Variants in C12orf42 observed in about 807,000 individuals in gnomAD.
C12orf42 encodes the protein uncharacterized protein C12orf42.
Under a neutral mutation model 21.6 loss-of-function variants are expected in C12orf42, and 25 were observed. The ratio of observed to expected loss-of-function variants is 1.16; its 90% confidence interval spans 0.84 to 1.62. C12orf42 has a LOEUF of 1.62. Among genes scored for constraint, C12orf42 ranks in the 40% most tolerant of loss-of-function variants. The pLI, the probability that C12orf42 is intolerant of heterozygous loss-of-function variation, is 0.00. For synonymous variants in C12orf42, 174 were observed against 175.0 expected, an observed-to-expected ratio of 0.99 and a Z score of 0.05; for missense variants, 483 against 459.3, an observed-to-expected ratio of 1.05 and a Z score of -0.47.
chr12:103,399,711 T>A (rs2047834651), intron 3 of C12orf42, among the ~76,000 whole-genome samples: 1 of 152,154 alleles, frequency 6.6e-6, no homozygotes, highest in Non-Finnish European at 1.5e-5. Context: ...CTATTGATAG[T>A]CTCTTAAAAA....
At chr12:103,292,309 T>C (rs1167818390) in intron 4 of C12orf42, among the ~76,000 whole-genome samples, 1 of 152,150 alleles carries the variant, frequency 6.6e-6, no homozygotes, top group African/African-American at 2.4e-5. Flanking sequence ...AGGGTTTCTA[T>C]TCAAATTCAC....
chr12:103,087,948 G>T, the C12orf42 span, among the ~76,000 whole-genome samples: 2 of 152,224 alleles, frequency 1.3e-5, no homozygotes, highest in Non-Finnish European at 2.9e-5. Context: ...AAATACTGCA[G>T]TACTAAATAT....
the C12orf42 span, among the ~76,000 whole-genome samples, chr12:103,154,883 T>C: frequency 2.0e-4 from 31 of 152,324 alleles, no homozygotes; most frequent in African/African-American, 7.5e-4. Flanking sequence ...CATTTGCAAC[T>C]GTCTACTGGC....
chr12:103,204,397 C>T, the C12orf42 span, among the ~76,000 whole-genome samples: 1 of 152,206 alleles, frequency 6.6e-6, no homozygotes, highest in South Asian at 2.1e-4. Context: ...TTTTTTTCCT[C>T]AACTACTGAA....
chr12:103,180,307 A>G, the C12orf42 span, among the ~76,000 whole-genome samples: 3 of 152,214 alleles, frequency 2.0e-5, no homozygotes, highest in African/African-American at 7.2e-5. Flanking sequence ...CAAGTAGGAA[A>G]AAAACATGTC....
intron 2 of C12orf42, among the ~76,000 whole-genome samples, chr12:103,425,461 C>T (rs1262953757): frequency 2.6e-5 from 4 of 152,150 alleles, no homozygotes; most frequent in Non-Finnish European, 5.9e-5. Context: ...TGGCGGGTGC[C>T]CCTCTGAGAC....
At chr12:103,381,203 A>T (rs980648029) in intron 3 of C12orf42, among the ~76,000 whole-genome samples, 3 of 152,224 alleles carry the variant, frequency 2.0e-5, no homozygotes, top group African/African-American at 7.2e-5. Flanking sequence ...ACTGAACACT[A>T]GTCAAACAGG....
At chr12:103,149,603 TAGTG>T in the C12orf42 span, among the ~76,000 whole-genome samples, 1 of 152,136 alleles carries the variant, frequency 6.6e-6, no homozygotes, top group South Asian at 2.1e-4. Flanking sequence ...GCTCTCATGA[TAGTG>T]AGTGAGTTCT....
intron 4 of C12orf42, among the ~76,000 whole-genome samples, chr12:103,363,179 T>C (rs1453624844): frequency 6.6e-6 from 1 of 152,128 alleles, no homozygotes; most frequent in Non-Finnish European, 1.5e-5. Flanking sequence ...CCAGAATGGA[T>C]TGGAAACCTT....
chr12:103,236,757 C>CT (rs1483540633), downstream of C12orf42, among the ~76,000 whole-genome samples: 2 of 152,116 alleles, frequency 1.3e-5, no homozygotes, highest in African/African-American at 2.4e-5. Flanking sequence ...AATGAACCTG[C>CT]TTTTTTGTGT....
At chr12:103,434,408 C>T (rs1429522238) in intron 2 of C12orf42, among the ~76,000 whole-genome samples, 9 of 150,882 alleles carry the variant, frequency 6.0e-5, no homozygotes, top group African/African-American at 1.5e-4. Context: ...CCAAGATGGC[C>T]GAATAGGAAC....
downstream of C12orf42, among the ~76,000 whole-genome samples, chr12:103,263,570 G>A (rs1018745342): frequency 2.6e-5 from 4 of 151,996 alleles, no homozygotes; most frequent in South Asian, 2.1e-4. Flanking sequence ...CCTGGTCACC[G>A]GTGGGATAGA....
chr12:103,241,098 A>G (rs762737733), intron 10 of C12orf42, among the ~76,000 whole-genome samples: 9 of 152,122 alleles, frequency 5.9e-5, no homozygotes, highest in Non-Finnish European at 1.0e-4. Context: ...ATACTTATTG[A>G]CAAAGAAGTT....
intron 4 of C12orf42, among the ~76,000 whole-genome samples, chr12:103,358,829 C>G (rs966997994): frequency 1.3e-5 from 2 of 152,022 alleles, no homozygotes; most frequent in African/African-American, 4.8e-5. Flanking sequence ...CTTGTTCCCC[C>G]CTACAATTAA....
chr12:103,550,617 T>C, the C12orf42 span: 1 of 152,158 alleles, frequency 6.6e-6, no homozygotes, highest in Non-Finnish European at 1.5e-5. Flanking sequence ...CATACATTTA[T>C]TACATCTTTG....
chr12:103,072,444 T>TAAA, the C12orf42 span, among the ~76,000 whole-genome samples: 3 of 140,884 alleles, frequency 2.1e-5, no homozygotes, highest in African/African-American at 7.8e-5. Flanking sequence ...TGTTCTCAGC[T>TAAA]AAAAAAAAAA....
At chr12:103,306,595 G>A (rs1226936182) in intron 4 of C12orf42, among the ~76,000 whole-genome samples, 2 of 152,122 alleles carry the variant, frequency 1.3e-5, no homozygotes, top group Non-Finnish European at 2.9e-5. Flanking sequence ...TGAGGCCCCA[G>A]ACATGTTTGT....
At chr12:103,254,713 A>G (rs1476950901) in intron 10 of C12orf42, among the ~76,000 whole-genome samples, 3 of 152,212 alleles carry the variant, frequency 2.0e-5, no homozygotes, top group Admixed American at 6.5e-5. Flanking sequence ...CTGAGCAATG[A>G]GAATACATGG....
At chr12:103,369,405 G>GAA (rs2044980529) in intron 3 of C12orf42, among the ~76,000 whole-genome samples, 1 of 152,034 alleles carries the variant, frequency 6.6e-6, no homozygotes, top group African/African-American at 2.4e-5. Flanking sequence ...TTGCTAAGAT[G>GAA]AAAAACATAA....
Sources: gnomAD v4.1 joint callset for allele counts (sites outside exome capture counted in the v4.1 genomes callset) on GRCh38, gnomAD v4.1.1 for gene constraint, MANE v1.5 for transcripts, NCBI Gene and HGNC (gene_info 2026-07-23, HGNC 2026-07-21) for gene names.